DAB1: variants seen among roughly 807,000 people sequenced by gnomAD.
The protein encoded by DAB1 is disabled homolog 1.
DAB1 carries 15 observed loss-of-function variants against 64.6 expected under a neutral mutation model. That is an observed-to-expected ratio of 0.23 (90% CI 0.16 to 0.36). The LOEUF (loss-of-function observed/expected upper bound fraction) is 0.36, where lower values mean the gene tolerates loss of function less well. Among genes scored for constraint, DAB1 ranks in the 10% least tolerant of loss-of-function variants. The probability of loss-of-function intolerance (pLI) is 1.00; values close to 1 mark genes in which losing one functional copy is unlikely to be tolerated. For synonymous variants in DAB1, 235 were observed against 251.9 expected (o/e 0.93, Z 0.64); for missense variants, 596 against 706.7 (o/e 0.84, Z 1.78).
intron 3 of DAB1, among the ~76,000 whole-genome samples, chr1:58,441,382 G>A (rs1056480128): frequency 1.3e-5 from 2 of 152,112 alleles, no homozygotes; most frequent in Non-Finnish European, 2.9e-5. Flanking sequence ...TCTCAGTGCC[G>A]GCTACATACA....
intron 2 of DAB1, chr1:58,506,324 A>G (rs771553829): frequency 1.6e-6 from 1 of 612,974 alleles, no homozygotes; most frequent in Non-Finnish European, 2.8e-6. Context: ...TTTAGGGTAC[A>G]TGTGCACAAC....
chr1:57,016,593 A>T (rs1646440013), intron 11 of DAB1, among the ~76,000 whole-genome samples: 3 of 132,204 alleles, frequency 2.3e-5, no homozygotes, highest in Admixed American at 1.5e-4. Context: ...ACTTGTCTCT[A>T]AAAAAAAAAA....
chr1:57,147,884 T>C (rs929209334), intron 2 of DAB1, among the ~76,000 whole-genome samples: 2 of 152,220 alleles, frequency 1.3e-5, no homozygotes, highest in African/African-American at 4.8e-5. Flanking sequence ...TGTCCAAACT[T>C]ACTGAGTAGA....
At chr1:57,443,071 A>G (rs1162962759) in intron 7 of DAB1, among the ~76,000 whole-genome samples, 1 of 152,232 alleles carries the variant, frequency 6.6e-6, no homozygotes, top group Non-Finnish European at 1.5e-5. Context: ...ACAATTAAAC[A>G]AGTCTATCAT....
At chr1:58,085,958 C>CTATTTT (rs1289919186) in intron 5 of DAB1, among the ~76,000 whole-genome samples, 1 of 98,724 alleles carries the variant, frequency 1.0e-5, no homozygotes, top group Non-Finnish European at 1.9e-5. Flanking sequence ...ATCTCTCTCT[C>CTATTTT]TTTTTTTTTT....
At chr1:57,743,766 A>G (rs576390532) in intron 6 of DAB1, among the ~76,000 whole-genome samples, 13 of 152,352 alleles carry the variant, frequency 8.5e-5, no homozygotes, top group African/African-American at 3.1e-4. Flanking sequence ...GTGAAGTGGG[A>G]AATCAGGGGT....
intron 4 of DAB1, among the ~76,000 whole-genome samples, chr1:58,225,742 A>C (rs1659436677): frequency 6.9e-6 from 1 of 143,892 alleles, no homozygotes; most frequent in Admixed American, 7.4e-5. Context: ...GTTCTCACTC[A>C]TAGGTGGGAA....
Position 58,175,320 on chromosome 1 carries a change from A to G in DAB1, n.310-24732T>C, listed in dbSNP as rs1656407587. On this transcript the variant is annotated intron_variant and non_coding_transcript_variant, in intron 4 of 20. Coordinates refer to the DAB1 transcript ENST00000485760. ...CTGTAGTCAGCGAGACCACGAACCC[A>G]CCGGAAGGAAGAAACTCTGGACACA... Among the ~76,000 whole-genome samples, 7 of 152,146 alleles carry G rather than the reference A, an allele frequency of 4.6e-5. No individual in the cohort carries two copies. The South Asian group carries it at 1.5e-3, about 32-fold the overall frequency.
At chr1:57,967,203 C>G (rs967646444) in intron 5 of DAB1, among the ~76,000 whole-genome samples, 2 of 152,176 alleles carry the variant, frequency 1.3e-5, no homozygotes, top group Admixed American at 1.3e-4. Flanking sequence ...GCTGGCCAGA[C>G]TGTCTTGCCT....
intron 4 of DAB1, among the ~76,000 whole-genome samples, chr1:57,092,180 A>G (rs1167631322): frequency 6.6e-6 from 1 of 152,174 alleles, no homozygotes; most frequent in Non-Finnish European, 1.5e-5. Context: ...GTATATACGT[A>G]TTTGCTCATT....
intron 7 of DAB1, among the ~76,000 whole-genome samples, chr1:57,477,188 G>A (rs372656355): frequency 1.7e-4 from 26 of 152,130 alleles, no homozygotes; most frequent in Non-Finnish European, 3.5e-4. Context: ...CATGCAAAAC[G>A]GTTGAGTGCT....
At chr1:57,113,923 G>A (rs541093289) in intron 4 of DAB1, among the ~76,000 whole-genome samples, 39 of 152,146 alleles carry the variant, frequency 2.6e-4, no homozygotes, top group Non-Finnish European at 5.0e-4. Flanking sequence ...TGAGAAGGAT[G>A]ACCAAATAAT....
chr1:57,541,987 G>A (rs964536516), intron 7 of DAB1, among the ~76,000 whole-genome samples: 1 of 152,128 alleles, frequency 6.6e-6, no homozygotes, highest in Non-Finnish European at 1.5e-5. Context: ...CTAGGGTGGG[G>A]GAGGGTGTGT....
chr1:57,477,553 T>C (rs759580133), intron 7 of DAB1, among the ~76,000 whole-genome samples: 1 of 152,158 alleles, frequency 6.6e-6, no homozygotes, highest in Non-Finnish European at 1.5e-5. Flanking sequence ...CTGCGTATTG[T>C]GCTTGGTTCT....
chr1:57,994,356 G>A (rs1164940482), intron 5 of DAB1, among the ~76,000 whole-genome samples: 1 of 152,166 alleles, frequency 6.6e-6, no homozygotes, highest in East Asian at 1.9e-4. Flanking sequence ...GACAACAAAG[G>A]AAGAGCATGG....
chr1:57,879,521 A>G (rs1644109369), intron 1 of DAB1, among the ~76,000 whole-genome samples: 1 of 152,210 alleles, frequency 6.6e-6, no homozygotes, highest in African/African-American at 2.4e-5. Context: ...AGGGTCCCCA[A>G]ACTAAGAAGC....
chr1:58,084,521 G>T (rs1447479339), intron 5 of DAB1: 1 of 190,720 alleles, frequency 5.2e-6, no homozygotes. Context: ...TTAGTCTGCA[G>T]CAAGAGCTGT....
intron 2 of DAB1, among the ~76,000 whole-genome samples, chr1:57,220,753 C>A (rs147034329): frequency 1.6e-3 from 241 of 152,286 alleles, no homozygotes; most frequent in African/African-American, 5.4e-3. Flanking sequence ...CAGGAAACAA[C>A]AGGTGCTGGA....
chr1:58,103,747 T>G (rs1408133902), intron 5 of DAB1, among the ~76,000 whole-genome samples: 1 of 152,220 alleles, frequency 6.6e-6, no homozygotes, highest in East Asian at 1.9e-4. Flanking sequence ...GTGCCTTACT[T>G]GCATTGCTCA....
Sources: gnomAD v4.1 joint callset for allele counts (sites outside exome capture counted in the v4.1 genomes callset) on GRCh38, gnomAD v4.1.1 for gene constraint, MANE v1.5 for transcripts, NCBI Gene and HGNC (gene_info 2026-07-23, HGNC 2026-07-21) for gene names.